MAML2: variants seen among roughly 807,000 people sequenced by gnomAD.
The protein encoded by MAML2 is mastermind-like protein 2.
In MAML2, 22 loss-of-function variants were observed where a neutral mutation model predicts 96.1. That is an observed-to-expected ratio of 0.23 (90% CI 0.16 to 0.33). The LOEUF (loss-of-function observed/expected upper bound fraction) is 0.33, where lower values mean the gene tolerates loss of function less well. MAML2 is among the 10% of genes least tolerant of loss of function. The pLI is 1.00. For synonymous variants in MAML2, 561 were observed against 521.3 expected (o/e 1.08, Z -1.04); for missense variants, 1,367 against 1,392.4 (o/e 0.98, Z 0.29).
chr11:96,087,373 G>T (rs1386071425), intron 2 of MAML2, among the ~76,000 whole-genome samples: 1 of 152,140 alleles, frequency 6.6e-6, no homozygotes, highest in East Asian at 1.9e-4. Context: ...TAACTTAAAA[G>T]ATAAATGGTG....
At chr11:96,036,108 G>A (rs1230041162) in intron 2 of MAML2, among the ~76,000 whole-genome samples, 2 of 152,126 alleles carry the variant, frequency 1.3e-5, no homozygotes, top group Non-Finnish European at 2.9e-5. Context: ...ACAGATTTTT[G>A]TGGAAAACAT....
chr11:96,179,143 G>A (rs1861443385), intron 1 of MAML2, among the ~76,000 whole-genome samples: 1 of 152,164 alleles, frequency 6.6e-6, no homozygotes, highest in South Asian at 2.1e-4. Context: ...AGTGCTGCAT[G>A]TTGTGACAAT....
intron 1 of MAML2, among the ~76,000 whole-genome samples, chr11:96,337,390 T>G (rs936435507): frequency 6.6e-6 from 1 of 152,224 alleles, no homozygotes; most frequent in East Asian, 1.9e-4. Context: ...ATTTAACTTG[T>G]TTGACTTTCT....
In MAML2 at chr11:96,028,416, ATTAAT is replaced by A. The variant is rs371895016; in HGVS notation, c.2140-36698_2140-36694del. On this transcript the variant is annotated intron_variant, in intron 2 of 4. Transcript: ENST00000524717. ...CCTGGGAGGCCTCCTCGACCCCAAG[ATTAAT>A]TTAAGTGTCCCCTAATATTGTCCTC... is the stretch of plus-strand genomic sequence containing the variant. 3.3e-4 allele frequency among the ~76,000 whole-genome samples: 50 copies of A among 152,280 alleles called. No individual in the cohort carries two copies. In the East Asian group the frequency reaches 8.9e-3, roughly 27 times the overall value.
At chr11:96,220,737 C>T (rs1383616017) in intron 1 of MAML2, among the ~76,000 whole-genome samples, 7 of 151,904 alleles carry the variant, frequency 4.6e-5, no homozygotes, top group Admixed American at 4.6e-4. Context: ...CCTTAACAGT[C>T]AGACATAGAT....
chr11:96,204,017 T>C (rs1445526736), intron 1 of MAML2, among the ~76,000 whole-genome samples: 1 of 152,090 alleles, frequency 6.6e-6, no homozygotes, highest in African/African-American at 2.4e-5. Flanking sequence ...TCTCCAGGGA[T>C]ACAGCGGGAA....
intron 2 of MAML2, among the ~76,000 whole-genome samples, chr11:96,089,024 G>A (rs77442354): frequency 0.021 from 3,211 of 150,824 alleles, 119 homozygotes; most frequent in African/African-American, 0.074. Context: ...ACAGTAAATC[G>A]TCCTGTTTGA....
chr11:96,109,061 C>T (rs773644656), intron 1 of MAML2, among the ~76,000 whole-genome samples: 35 of 151,952 alleles, frequency 2.3e-4, no homozygotes, highest in Non-Finnish European at 4.1e-4. Flanking sequence ...TAAGTTCATC[C>T]AGTCAGTAAT....
Position 96,092,816 on chromosome 11 carries a change from A to G in MAML2, c.1215T>C (p.Pro405=). The stretch of plus-strand genomic sequence containing the variant: ...GCTGAGCCTGGCTCTGAGGGACTGA[A>G]GGGATTGGAGACGAAGTGGAGAGGG... The part of the protein sequence containing the change: ...NSALSTSSPI[P]SVPQSQAQPQ... Residue 405 remains proline, a synonymous_variant, in exon 2 of 5, where the codon CCT becomes CCC. Transcript: ENST00000524717. The surrounding 1 kb of genome is among the most constrained non-coding windows in gnomAD (Gnocchi z 4.1). The G allele has an allele frequency of 6.2e-7, 1 of 1,610,404 alleles. No homozygotes were observed. The highest frequency in any genetic ancestry group is 1.3e-5 in the African/African-American group (1 of 74,998).
At chr11:96,072,513 C>T (rs994003902) in intron 2 of MAML2, among the ~76,000 whole-genome samples, 1 of 152,182 alleles carries the variant, frequency 6.6e-6, no homozygotes, top group Non-Finnish European at 1.5e-5. Context: ...CTCTAAGATT[C>T]ACACCACCTC....
intron 1 of MAML2, among the ~76,000 whole-genome samples, chr11:96,157,644 T>G (rs1861032730): frequency 6.6e-6 from 1 of 152,248 alleles, no homozygotes; most frequent in Non-Finnish European, 1.5e-5. Flanking sequence ...GGTATTTTAC[T>G]TATCTGTATG....
chr11:96,323,395 T>G (rs1016840275), intron 1 of MAML2, among the ~76,000 whole-genome samples: 1 of 151,902 alleles, frequency 6.6e-6, no homozygotes, highest in Non-Finnish European at 1.5e-5. Context: ...CTTTAGAATT[T>G]CCATGTAAGA....
At chr11:96,008,444 A>G (rs1406649068) in intron 2 of MAML2, among the ~76,000 whole-genome samples, 1 of 152,196 alleles carries the variant, frequency 6.6e-6, no homozygotes, top group Non-Finnish European at 1.5e-5. Context: ...CTTTTTTAAA[A>G]TGATATACAT....
chr11:95,985,009 G>A lies in MAML2; in HGVS notation c.2455+522C>T, dbSNP rs556124556. The stretch of plus-strand genomic sequence containing the variant: ...TTTATACTGAGAGAGCTATTAAGAA[G>A]ATTTGCTTTGTGATTTAAATGGAGT... On this transcript the variant is annotated intron_variant, in intron 4 of 4. Coordinates refer to ENST00000524717, the MANE Select transcript of MAML2 (RefSeq NM_032427.4). 2.4e-4 allele frequency among the ~76,000 whole-genome samples: 37 copies of A among 152,290 alleles called. No individual in the cohort carries two copies. The South Asian group carries it at 7.3e-3, about 30-fold the overall frequency.
chr11:96,194,086 A>ACTGG (rs1861696341), intron 1 of MAML2, among the ~76,000 whole-genome samples: 1 of 152,242 alleles, frequency 6.6e-6, no homozygotes, highest in African/African-American at 2.4e-5. Flanking sequence ...ACGATCTAGA[A>ACTGG]CTGGCCTCAA....
At chr11:96,246,391 C>T (rs1029117262) in intron 1 of MAML2, among the ~76,000 whole-genome samples, 3 of 152,078 alleles carry the variant, frequency 2.0e-5, no homozygotes, top group Non-Finnish European at 2.9e-5. Flanking sequence ...ATTTCATGTT[C>T]GGGGACATGG....
chr11:96,021,043 T>C (rs1169853219), intron 2 of MAML2, among the ~76,000 whole-genome samples: 1 of 152,156 alleles, frequency 6.6e-6, no homozygotes, highest in Non-Finnish European at 1.5e-5. Context: ...TTGTGGTGTG[T>C]TTATGTATAT....
chr11:96,226,685 G>A (rs1346996827), intron 1 of MAML2, among the ~76,000 whole-genome samples: 1 of 152,114 alleles, frequency 6.6e-6, no homozygotes, highest in Non-Finnish European at 1.5e-5. Flanking sequence ...GATTTTTACA[G>A]ACAGTGTCAA....
chr11:96,199,441 T>C (rs1591068336), intron 1 of MAML2, among the ~76,000 whole-genome samples: 1 of 152,110 alleles, frequency 6.6e-6, no homozygotes, highest in East Asian at 1.9e-4. Context: ...AATTTATGTA[T>C]TTTAACCTAC....
Sources: gnomAD v4.1 joint callset for allele counts (sites outside exome capture counted in the v4.1 genomes callset) on GRCh38, gnomAD v4.1.1 for gene constraint, Gnocchi (gnomAD v3.1) non-coding constraint, MANE v1.5 for transcripts, NCBI Gene and HGNC (gene_info 2026-07-23, HGNC 2026-07-21) for gene names.